Variants in KIN observed in about 807,000 individuals in gnomAD.
KIN encodes Kin17 DNA and RNA binding protein.
In KIN, 47 loss-of-function variants were observed where a neutral mutation model predicts 63.0. The observed-to-expected ratio is 0.75, with a 90% confidence interval of 0.59 to 0.95. The LOEUF (loss-of-function observed/expected upper bound fraction) is 0.95, where lower values mean the gene tolerates loss of function less well. Among genes scored for constraint, KIN ranks in the 40% least tolerant of loss-of-function variants. The probability of loss-of-function intolerance (pLI) is 0.00; values close to 1 mark genes in which losing one functional copy is unlikely to be tolerated. For synonymous variants in KIN, 160 were observed against 157.7 expected (o/e 1.01, Z -0.11); for missense variants, 408 against 460.9 (o/e 0.89, Z 1.05).
At chr10:7,768,591 C>T (rs1479539917) in intron 8 of KIN, among the ~76,000 whole-genome samples, 7 of 151,690 alleles carry the variant, frequency 4.6e-5, no homozygotes, top group South Asian at 4.1e-4. Context: ...AGGTGCTAAG[C>T]GGAAGTCAAA....
intron 12 of KIN, among the ~76,000 whole-genome samples, chr10:7,757,177 T>C (rs1243976217): frequency 1.3e-5 from 2 of 152,218 alleles, no homozygotes; most frequent in East Asian, 3.8e-4. Flanking sequence ...AATTTTCAAC[T>C]CTAATTATTA....
chr10:7,774,877 T>C lies in KIN; in HGVS notation c.622A>G (p.Ser208Gly). The C allele has an allele frequency of 1.9e-6, 3 of 1,612,698 alleles. No homozygotes were observed. Among genetic ancestry groups the C allele is most frequent in the Non-Finnish European group, 2.5e-6 (3 of 1,178,888 alleles). The change falls in exon 7 of 13, where the codon AGT (serine) becomes GGT (glycine). Residue 208 changes from serine to glycine, a missense_variant. Physicochemically the swap from Ser to Gly is moderately conservative, Grantham distance 56 (BLOSUM62 0). Coordinates refer to ENST00000379562, the MANE Select transcript of KIN (RefSeq NM_012311.4). ...CCGGATGAGCTACATGCTCCTTTAC[T>C]CAAATTAAACGTGACTAGAAGAAAA... ...NDEEKVTFNL[S>G]KGACSSSGAT...
At chr10:7,763,856 C>T (rs1835487915) in intron 9 of KIN, 65 bp from the exon 10 acceptor site, 2 of 799,242 alleles carry the variant, frequency 2.5e-6, no homozygotes, top group Non-Finnish European at 4.0e-6. Flanking sequence ...TTTACTTCTT[C>T]CTTTTAAACT....
At chr10:7,769,173 T>G (rs1281984659) in intron 8 of KIN, 43 bp downstream of exon 8, 1 of 1,531,970 alleles carries the variant, frequency 6.5e-7, no homozygotes, top group Non-Finnish European at 8.8e-7. Context: ...GATTTAATTT[T>G]CCTTGGGTTC....
chr10:7,781,778 C>T (rs1424367438), intron 2 of KIN, among the ~76,000 whole-genome samples: 6 of 142,448 alleles, frequency 4.2e-5, no homozygotes, highest in Non-Finnish European at 9.1e-5. Flanking sequence ...AAAAAAATGC[C>T]TGGCATGTTG....
chr10:7,776,240 A>C (rs1835768696), intron 5 of KIN, among the ~76,000 whole-genome samples: 2 of 149,958 alleles, frequency 1.3e-5, no homozygotes, highest in Admixed American at 6.7e-5. Flanking sequence ...AAAAAAAAAA[A>C]AAAGAAATTA....
rs1041419200 is a variant in KIN at position 7,779,593 on chromosome 10, CAG to C, written c.376+461_376+462del. ...TGGTTGCATCTGTACTGAACATGCA[CAG>C]ACATTTTTTCCTTCCCATTTTTCCC... On this transcript the variant is annotated intron_variant, in intron 4 of 12. Transcript: ENST00000379562. Among the ~76,000 whole-genome samples, 22 of 152,136 alleles carry C rather than the reference CAG, an allele frequency of 1.4e-4. 1 individual carries two copies. The highest frequency in any genetic ancestry group is 1.1e-3 in the Admixed American group (17 of 15,280).
intron 1 of KIN, 58 bp downstream of exon 1, chr10:7,787,759 ACCT>A (rs1836057707): frequency 7.5e-7 from 1 of 1,333,902 alleles, no homozygotes; most frequent in Non-Finnish European, 1.1e-6. Context: ...CGCGTCCAGG[ACCT>A]GATCCTGGAT....
chr10:7,759,494 A>C (rs1835396958), intron 12 of KIN, among the ~76,000 whole-genome samples: 1 of 152,140 alleles, frequency 6.6e-6, no homozygotes. Flanking sequence ...TTACTATGCC[A>C]AATTGAGTTT....
rs192588004 is a variant in KIN, at chr10:7,774,994, T to C, written c.608-103A>G. The C allele has an allele frequency of 8.4e-6, 7 of 828,824 alleles. No homozygotes were observed. In the Admixed American group the frequency reaches 1.1e-4, roughly 13 times the overall value. The allele number at this position is 828,824 out of a possible 1,614,324, so 51.3% of individuals were successfully genotyped here. A position where few individuals can be genotyped will look rare whatever the true frequency, so the allele number is the denominator to read the frequency against. ...GTGTTCACAGAGGAACTCCAGGACATTTTCAATAAACGAGAGCTAAAATGT... is the reference window on the plus strand; with the variant it reads ...GTGTTCACAGAGGAACTCCAGGACACTTTCAATAAACGAGAGCTAAAATGT... On this transcript the variant is annotated intron_variant, in intron 6 of 12. Transcript: ENST00000379562.
intron 2 of KIN, 126 bp from the exon 3 acceptor site, chr10:7,780,433 C>A: frequency 1.4e-6 from 1 of 729,016 alleles, no homozygotes. Flanking sequence ...TCGTTCTCGT[C>A]ACCCAAGCTG....
chr10:7,774,919 A>C, intron 6 of KIN, 28 bp from the exon 7 acceptor site: 1 of 1,504,640 alleles, frequency 6.6e-7, no homozygotes, highest in Non-Finnish European at 9.2e-7. Flanking sequence ...TATTCCATAC[A>C]TACATTTCAA....
Position 7,760,846 on chromosome 10 carries a change from G to A in KIN, c.1019-856C>T, listed in dbSNP as rs142362708. Among the ~76,000 whole-genome samples the A allele has an allele frequency of 2.6e-4, 39 of 152,128 alleles. No individual in the cohort carries two copies. In the East Asian group the frequency reaches 7.1e-3, roughly 28 times the overall value. On this transcript the variant is annotated intron_variant, in intron 11 of 12. Transcript: ENST00000379562. Reference sequence around the variant, plus strand: ...GGTCTTGGAAGGTATAGGTTAAGGGGGAATACTGCATATCCATACAATGAC... The same window carrying A: ...GGTCTTGGAAGGTATAGGTTAAGGGAGAATACTGCATATCCATACAATGAC...
intron 4 of KIN, among the ~76,000 whole-genome samples, chr10:7,779,514 G>A (rs1463766910): frequency 5.9e-5 from 9 of 152,140 alleles, no homozygotes; most frequent in Non-Finnish European, 8.8e-5. Context: ...TTTAGATACT[G>A]TATGTGAATT....
In KIN at chr10:7,751,672, C is replaced by T. The variant is rs1835245808; in HGVS notation, c.*4408G>A. The stretch of plus-strand genomic sequence containing the variant: ...TACCCTTTTGAAAAACCTACTGCAT[C>T]TTTTCCATTTCCTATTTCAAAAATA... On this transcript the variant is annotated 3_prime_UTR_variant, in exon 13 of 13. Coordinates refer to ENST00000379562, the MANE Select transcript of KIN (RefSeq NM_012311.4). The T allele has an allele frequency of 6.6e-6, 1 of 152,170 alleles. No individual in the cohort carries two copies. Among genetic ancestry groups the T allele is most frequent in the African/African-American group, 2.4e-5 (1 of 41,438 alleles). 9.4% of individuals were successfully genotyped at this position (152,170 alleles called of 1,614,324 possible).
At position 7,780,177 on chromosome 10, in the gene KIN, G is replaced by T. The variant is rs372565056; in HGVS notation, c.255C>A (p.Gly85=). The T allele has an allele frequency of 6.2e-7, 1 of 1,613,054 alleles. No individual in the cohort carries two copies. Residue 85 remains glycine, a splice_region_variant and synonymous_variant, in exon 4 of 13, where the codon GGC becomes GGA. Coordinates refer to ENST00000379562, the MANE Select transcript of KIN (RefSeq NM_012311.4). The part of the protein sequence containing the change: ...DFLELLRRRF[G]TKRVHNNIVY... ...CAATGTTGTTGTGGACCCTTTTAGTGCCTGAGAACAAAATATGACACTGAT... is the reference window on the plus strand; with the variant it reads ...CAATGTTGTTGTGGACCCTTTTAGTTCCTGAGAACAAAATATGACACTGAT...
In KIN at chr10:7,752,145, T is replaced by C. The variant is rs1458812294; in HGVS notation, c.*3935A>G. 1 of 151,828 alleles carries C rather than the reference T, an allele frequency of 6.6e-6. No homozygotes were observed. Among genetic ancestry groups the C allele is most frequent in the Admixed American group, 6.6e-5 (1 of 15,218 alleles). 9.4% of individuals were successfully genotyped at this position (151,828 alleles called of 1,614,324 possible). A position where few individuals can be genotyped will look rare whatever the true frequency, so the allele number is the denominator to read the frequency against. ...AAAACAAAATGAGAAGACAGGCCAC[T>C]GACTGAGAGAAAATACTTGCAAAAG... is the stretch of plus-strand genomic sequence containing the variant. On this transcript the variant is annotated 3_prime_UTR_variant, in exon 13 of 13. Transcript: ENST00000379562.
In KIN at chr10:7,752,990, G is replaced by A. The variant is rs1474490548; in HGVS notation, c.*3090C>T. 6.6e-6 allele frequency: 1 copy of A among 152,112 alleles called. No homozygotes were observed. Among genetic ancestry groups the A allele is most frequent in the African/African-American group, 2.4e-5 (1 of 41,408 alleles). 9.4% of individuals were successfully genotyped at this position (152,112 alleles called of 1,614,324 possible). A position where few individuals can be genotyped will look rare whatever the true frequency, so the allele number is the denominator to read the frequency against. ...AAACTGTTCTGTGTGATACTACAGT[G>A]GCAGATGCATGTCATTATACATTTG... On this transcript the variant is annotated 3_prime_UTR_variant, in exon 13 of 13. Transcript: ENST00000379562.
Position 7,783,061 on chromosome 10 carries a change from G to A in KIN, c.209+20C>T. 7.5e-7 allele frequency: 1 copy of A among 1,325,090 alleles called. No homozygotes were observed. Among genetic ancestry groups the A allele is most frequent in the Non-Finnish European group, 1.1e-6 (1 of 937,206 alleles). The allele number at this position is 1,325,090 out of a possible 1,614,324, so 82.1% of individuals were successfully genotyped here. ...AACTGAATAAAGCCTATAAGATAAA[G>A]AGTTCTTTGAGTTACTTACTCTGAA... On this transcript the variant is annotated intron_variant, in intron 2 of 12. Transcript: ENST00000379562.
Sources: gnomAD v4.1 joint callset for allele counts (sites outside exome capture counted in the v4.1 genomes callset) on GRCh38, gnomAD v4.1.1 for gene constraint, MANE v1.5 for transcripts, NCBI Gene and HGNC (gene_info 2026-07-23, HGNC 2026-07-21) for gene names.